Variants in C21orf58 observed in about 807,000 individuals in gnomAD.
The protein encoded by C21orf58 is chromosome 21 open reading frame 58, also known as uncharacterized protein C21orf58.
A neutral mutation model predicts 35.8 loss-of-function variants in C21orf58; 34 were observed. That is an observed-to-expected ratio of 0.95 (90% confidence interval 0.72 to 1.26). The LOEUF (loss-of-function observed/expected upper bound fraction) is 1.26. Among genes scored for constraint, C21orf58 ranks in the 50% most tolerant of loss-of-function variants. The pLI is 0.00. For synonymous variants in C21orf58, 191 were observed against 175.8 expected (o/e 1.09, Z -0.68); for missense variants, 440 against 414.3 (o/e 1.06, Z -0.54).
intron 7 of C21orf58, 35 bp downstream of exon 7, chr21:46,302,450 C>A: frequency 6.6e-7 from 1 of 1,509,140 alleles, no homozygotes. Context: ...GGCCCTGTTT[C>A]CTTGGCCTAG....
rs112580445 is a variant in C21orf58 at position 46,301,888 on chromosome 21, G to C, written c.*111C>G. ...CAGTCCACACTCGCGTAGCCACTCCGGGTGGTGGCAGGGTCTCTCCCTGCT... is the reference window on the plus strand; with the variant it reads ...CAGTCCACACTCGCGTAGCCACTCCCGGTGGTGGCAGGGTCTCTCCCTGCT... On this transcript the variant is annotated 3_prime_UTR_variant, in exon 8 of 8. Transcript: ENST00000291691. 3.5e-5 allele frequency: 47 copies of C among 1,334,910 alleles called. No individual in the cohort carries two copies. Among genetic ancestry groups the C allele is most frequent in the East Asian group, 3.0e-4 (10 of 33,178 alleles). 82.7% of individuals were successfully genotyped at this position (1,334,910 alleles called of 1,614,324 possible).
rs1029079732 is a variant in C21orf58 at position 46,323,513 on chromosome 21, G to A, written c.-775C>T. On this transcript the variant is annotated 5_prime_UTR_variant, in exon 1 of 8. Coordinates refer to ENST00000291691, the MANE Select transcript of C21orf58 (RefSeq NM_058180.5). ...GGTCCAGGCGGTTCGCGGGCTTTCTGACCGCATTCGGCCGAGTTCTTCTCT... is the reference window on the plus strand; with the variant it reads ...GGTCCAGGCGGTTCGCGGGCTTTCTAACCGCATTCGGCCGAGTTCTTCTCT... The A allele has an allele frequency of 1.3e-5, 2 of 152,556 alleles. No homozygotes were observed. Among genetic ancestry groups the A allele is most frequent in the African/African-American group, 2.4e-5 (1 of 41,414 alleles). The allele number at this position is 152,556 out of a possible 1,614,324, so 9.5% of individuals were successfully genotyped here.
At chr21:46,315,808 A>G (rs1054153992) in intron 3 of C21orf58, among the ~76,000 whole-genome samples, 11 of 152,102 alleles carry the variant, frequency 7.2e-5, no homozygotes, top group African/African-American at 2.7e-4. Context: ...CATTCCTGGA[A>G]GGGAGGCTGA....
intron 5 of C21orf58, among the ~76,000 whole-genome samples, chr21:46,312,027 CCA>C (rs1422764780): frequency 3.4e-4 from 48 of 142,858 alleles, no homozygotes; most frequent in Middle Eastern, 7.8e-3. Context: ...ACCCATCCAC[CCA>C]TCCACCTACC....
At position 46,317,190 on chromosome 21, in the gene C21orf58, C is replaced by G. The variant is rs2083003801; in HGVS notation, c.370+18G>C. On this transcript the variant is annotated intron_variant, in intron 3 of 7. Coordinates refer to ENST00000291691, the MANE Select transcript of C21orf58 (RefSeq NM_058180.5). Reference sequence around the variant, plus strand: ...TGCGTCTGTCTGTGCTGGTTCCAAGCAGCCCAGGGGCTCTCACCTGGCTCG... The same window carrying G: ...TGCGTCTGTCTGTGCTGGTTCCAAGGAGCCCAGGGGCTCTCACCTGGCTCG... The G allele has an allele frequency of 6.2e-7, 1 of 1,607,364 alleles. No individual in the cohort carries two copies. The highest frequency in any genetic ancestry group is 2.2e-5 in the East Asian group (1 of 44,794).
chr21:46,317,526 T>A (rs2146099952), intron 2 of C21orf58, among the ~76,000 whole-genome samples: 1 of 152,276 alleles, frequency 6.6e-6, no homozygotes, highest in Non-Finnish European at 1.5e-5. Context: ...TCAGGCAGAT[T>A]TCTGAAGAGC....
At chr21:46,317,089 C>A (rs1476852930) in intron 3 of C21orf58, 119 bp downstream of exon 3, 5 of 781,982 alleles carry the variant, frequency 6.4e-6, no homozygotes, top group Non-Finnish European at 1.0e-5. Context: ...CTCGCCGGTA[C>A]CAGGAGTGGG....
intron 4 of C21orf58, chr21:46,315,187 G>A: frequency 1.6e-6 from 1 of 632,292 alleles, no homozygotes; most frequent in Admixed American, 3.0e-5. Context: ...CACCTCCCCT[G>A]CATCTCTGCC....
chr21:46,301,893 G>A lies in C21orf58; in HGVS notation c.*106C>T. On this transcript the variant is annotated 3_prime_UTR_variant, in exon 8 of 8. Coordinates refer to ENST00000291691, the MANE Select transcript of C21orf58 (RefSeq NM_058180.5). ...CACACTCGCGTAGCCACTCCGGGTGGTGGCAGGGTCTCTCCCTGCTCCCTT... is the reference window on the plus strand; with the variant it reads ...CACACTCGCGTAGCCACTCCGGGTGATGGCAGGGTCTCTCCCTGCTCCCTT... 1 of 1,336,452 alleles carries A rather than the reference G, an allele frequency of 7.5e-7. No homozygotes were observed. Among genetic ancestry groups the A allele is most frequent in the Non-Finnish European group, 9.6e-7 (1 of 1,046,820 alleles). The allele number at this position is 1,336,452 out of a possible 1,614,324, so 82.8% of individuals were successfully genotyped here.
intron 6 of C21orf58, among the ~76,000 whole-genome samples, chr21:46,302,983 C>T (rs1396630295): frequency 1.3e-5 from 2 of 151,498 alleles, no homozygotes; most frequent in South Asian, 2.1e-4. Flanking sequence ...GTCCCCGGGG[C>T]GCGCCCTGAG....
rs748575319 is a variant in C21orf58 at position 46,302,137 on chromosome 21, G to A, written c.831C>T (p.Pro277=). The change falls in exon 8 of 8, where the codon CCC becomes CCT. Residue 277 remains proline, a synonymous_variant. Transcript: ENST00000291691. ...GCCTGGCAGCTCGTGGGACCCTCGG[G>A]GGCACATGTGGCGGGTCCTGCCACA... ...PPALQDPPHV[P]PRVPRAARPR... 7 of 1,504,620 alleles carry A rather than the reference G, an allele frequency of 4.7e-6. No homozygotes were observed. Among genetic ancestry groups the A allele is most frequent in the Middle Eastern group, 1.7e-4 (1 of 5,826 alleles). The allele number at this position is 1,504,620 out of a possible 1,614,324, so 93.2% of individuals were successfully genotyped here. A position where few individuals can be genotyped will look rare whatever the true frequency, so the allele number is the denominator to read the frequency against.
At chr21:46,316,414 C>T (rs1388283351) in intron 3 of C21orf58, among the ~76,000 whole-genome samples, 2 of 152,172 alleles carry the variant, frequency 1.3e-5, no homozygotes, top group Non-Finnish European at 2.9e-5. Flanking sequence ...TGAGATTGCA[C>T]CACTGCACTC....
rs1364789004 is a variant in C21orf58, at chr21:46,315,540, C to G, written c.378G>C (p.Glu126Asp). The G allele has an allele frequency of 6.2e-7, 1 of 1,609,616 alleles. No individual in the cohort carries two copies. The highest frequency in any genetic ancestry group is 2.2e-5 in the East Asian group (1 of 44,876). The change falls in exon 4 of 8, where the codon GAG becomes GAC. Residue 126 changes from glutamate to aspartate, a missense_variant. Glu to Asp is a conservative substitution (Grantham distance 45). Transcript: ENST00000291691. ...TCTGCAGGGCATCGTCCGGCCGGTC[C>G]TCATTTCCTGGAGGGAAGAACCTGC... ...PEGLHLEPGN[E>D]DRPDDALQTA... is the part of the protein sequence containing the mutation.
chr21:46,318,526 A>G, intron 1 of C21orf58: 1 of 1,279,524 alleles, frequency 7.8e-7, no homozygotes, highest in Non-Finnish European at 1.0e-6. Context: ...GACCCAGTCC[A>G]GAAGAACCTG....
chr21:46,308,568 C>T (rs1161569589), intron 6 of C21orf58, among the ~76,000 whole-genome samples: 2 of 152,186 alleles, frequency 1.3e-5, no homozygotes, highest in Non-Finnish European at 2.9e-5. Context: ...GGAATGTCCA[C>T]GACAGCTTTG....
At chr21:46,317,403 G>A in intron 2 of C21orf58, 135 bp from the exon 3 acceptor site, 1 of 1,490,886 alleles carries the variant, frequency 6.7e-7, no homozygotes, top group Non-Finnish European at 9.0e-7. Context: ...GGGCCAACAG[G>A]CGGGAGTCAA....
chr21:46,317,969 C>T (rs891678111), intron 2 of C21orf58, 43 bp downstream of exon 2: 1 of 1,605,920 alleles, frequency 6.2e-7, no homozygotes, highest in African/African-American at 1.3e-5. Flanking sequence ...ACGCCACAGC[C>T]TGCGAGTTGT....
Position 46,322,900 on chromosome 21 carries a change from G to A in C21orf58, c.-162C>T, listed in dbSNP as rs2083223908. 2.0e-6 allele frequency: 1 copy of A among 491,832 alleles called. No individual in the cohort carries two copies. The highest frequency in any genetic ancestry group is 3.6e-6 in the Non-Finnish European group (1 of 280,752). The allele number at this position is 491,832 out of a possible 1,614,324, so 30.5% of individuals were successfully genotyped here. A position where few individuals can be genotyped will look rare whatever the true frequency, so the allele number is the denominator to read the frequency against. On this transcript the variant is annotated 5_prime_UTR_variant, in exon 1 of 8. Transcript: ENST00000291691. Reference sequence around the variant, plus strand: ...GGAGCCACTCCAGCACGCTCGGGAAGGGCATCGTTACTGCTGCAAACAAGC... The same window carrying A: ...GGAGCCACTCCAGCACGCTCGGGAAAGGCATCGTTACTGCTGCAAACAAGC...
chr21:46,309,848 T>G (rs2082592210), intron 6 of C21orf58, among the ~76,000 whole-genome samples: 1 of 151,304 alleles, frequency 6.6e-6, no homozygotes, highest in Non-Finnish European at 1.5e-5. Context: ...TACAAAAAAT[T>G]AGCAGGGCGT....
Sources: gnomAD v4.1 joint callset for allele counts (sites outside exome capture counted in the v4.1 genomes callset) on GRCh38, gnomAD v4.1.1 for gene constraint, MANE v1.5 for transcripts, NCBI Gene and HGNC (gene_info 2026-07-23, HGNC 2026-07-21) for gene names.